The following FAM50B variants were observed in gnomAD, a reference collection of about 807,000 sequenced individuals.
The protein encoded by FAM50B is family with sequence similarity 50 member B.
FAM50B carries 9 observed loss-of-function variants against 25.4 expected under a neutral mutation model. That is an observed-to-expected ratio of 0.35 (90% CI 0.21 to 0.62). The LOEUF (loss-of-function observed/expected upper bound fraction) is 0.62. Among genes scored for constraint, FAM50B ranks in the 20% least tolerant of loss-of-function variants. The pLI, the probability that FAM50B is intolerant of heterozygous loss-of-function variation, is 0.73. For missense variants in FAM50B, 372 were observed against 477.9 expected, an observed-to-expected ratio of 0.78 and a Z score of 2.07; for synonymous variants, 212 against 204.3, an observed-to-expected ratio of 1.04 and a Z score of -0.32.
chr6:3,832,230 A>C, the FAM50B span, among the ~76,000 whole-genome samples: 1 of 152,246 alleles, frequency 6.6e-6, no homozygotes, highest in Non-Finnish European at 1.5e-5. Flanking sequence ...AATGAAGAGA[A>C]ACTAGGAAGA....
chr6:3,837,838 A>G, the FAM50B span, among the ~76,000 whole-genome samples: 1 of 152,162 alleles, frequency 6.6e-6, no homozygotes, highest in Non-Finnish European at 1.5e-5. Context: ...ATGATAACCC[A>G]TTAATCCATT....
chr6:3,831,965 T>C, the FAM50B span: 1 of 152,110 alleles, frequency 6.6e-6, no homozygotes, highest in Non-Finnish European at 1.5e-5. Context: ...GTGAACAATA[T>C]TAGCAAAGGC....
the FAM50B span, among the ~76,000 whole-genome samples, chr6:3,840,080 C>T: frequency 2.0e-5 from 3 of 152,136 alleles, no homozygotes; most frequent in Admixed American, 2.0e-4. Context: ...GTAACCTCAG[C>T]CTCCCGGGTT....
At chr6:3,836,357 T>A in the FAM50B span, among the ~76,000 whole-genome samples, 1 of 152,202 alleles carries the variant, frequency 6.6e-6, no homozygotes, top group Non-Finnish European at 1.5e-5. Context: ...GCAAACCCTG[T>A]GAATATGGTA....
the FAM50B span, among the ~76,000 whole-genome samples, chr6:3,833,254 T>A: frequency 6.6e-6 from 1 of 152,214 alleles, no homozygotes; most frequent in Non-Finnish European, 1.5e-5. Flanking sequence ...TTTAGGATAC[T>A]GGTAAGAGCT....
At chr6:3,848,929 G>A (rs565486528), upstream of FAM50B, among the ~76,000 whole-genome samples, 1 of 152,224 alleles carries the variant, frequency 6.6e-6, no homozygotes, top group Admixed American at 6.5e-5. Context: ...GCAGTGGTGC[G>A]CAGGTAATGT....
the FAM50B span, among the ~76,000 whole-genome samples, chr6:3,841,590 A>T: frequency 1.3e-5 from 2 of 152,234 alleles, no homozygotes; most frequent in Non-Finnish European, 2.9e-5. Context: ...TTAACACCAT[A>T]AATGAGATAA....
the FAM50B span, among the ~76,000 whole-genome samples, chr6:3,838,914 G>A: frequency 6.7e-6 from 1 of 150,056 alleles, no homozygotes; most frequent in East Asian, 1.9e-4. Flanking sequence ...ATATGCAACA[G>A]CATGGATGAC....
chr6:3,844,473 G>T (rs914472817), upstream of FAM50B, among the ~76,000 whole-genome samples: 2 of 152,184 alleles, frequency 1.3e-5, no homozygotes, highest in African/African-American at 4.8e-5. Context: ...CACTTTGGGA[G>T]GCCGAGGAGG....
At chr6:3,837,910 C>T in the FAM50B span, among the ~76,000 whole-genome samples, 2 of 152,218 alleles carry the variant, frequency 1.3e-5, no homozygotes, top group East Asian at 3.8e-4. Flanking sequence ...CCAATCACTT[C>T]TCAAAGGTTC....
At chr6:3,848,526 G>T (rs1273308903), upstream of FAM50B, among the ~76,000 whole-genome samples, 3 of 152,216 alleles carry the variant, frequency 2.0e-5, no homozygotes, top group East Asian at 3.8e-4. Context: ...TCTTGGTAAG[G>T]TTATGCTCAC....
chr6:3,845,829 C>T (rs1762114174), upstream of FAM50B, among the ~76,000 whole-genome samples: 1 of 152,180 alleles, frequency 6.6e-6, no homozygotes, highest in African/African-American at 2.4e-5. Context: ...ATTCTTCTGC[C>T]TCAGCCTCCC....
At chr6:3,843,694 CAA>C in the FAM50B span, among the ~76,000 whole-genome samples, 17 of 152,256 alleles carry the variant, frequency 1.1e-4, no homozygotes, top group African/African-American at 4.1e-4. Flanking sequence ...GATTGCATGC[CAA>C]AATATTGGCT....
chr6:3,839,968 T>TTTG, the FAM50B span, among the ~76,000 whole-genome samples: 92 of 150,988 alleles, frequency 6.1e-4, no homozygotes, highest in African/African-American at 1.6e-3. Context: ...AAACCCTGTC[T>TTTG]TTGTTGTTGT....
the FAM50B span, among the ~76,000 whole-genome samples, chr6:3,842,451 A>G: frequency 6.6e-6 from 1 of 152,162 alleles, no homozygotes; most frequent in Non-Finnish European, 1.5e-5. Flanking sequence ...TTCCTGATAC[A>G]TTTAGTACAT....
chr6:3,847,568 T>C (rs1231522864), upstream of FAM50B, among the ~76,000 whole-genome samples: 2 of 152,274 alleles, frequency 1.3e-5, no homozygotes, highest in African/African-American at 2.4e-5. Flanking sequence ...TGGTTTGATC[T>C]TCTATCCAGA....
the FAM50B span, among the ~76,000 whole-genome samples, chr6:3,843,408 T>G: frequency 1.3e-5 from 2 of 152,232 alleles, no homozygotes; most frequent in African/African-American, 4.8e-5. Context: ...TAAAACCATG[T>G]TCCATTCTTT....
Position 3,850,222 on chromosome 6 carries a change from G to A in FAM50B, c.411G>A (p.Arg137=), listed in dbSNP as rs761289588. ...LDDQADAAEA[R]RAGNLGKNPD... is the part of the protein sequence containing the mutation. Reference sequence around the variant, plus strand: ...ACCAGGCCGACGCGGCCGAGGCCAGGCGCGCCGGAAACCTGGGCAAGAACC... The same window carrying A: ...ACCAGGCCGACGCGGCCGAGGCCAGACGCGCCGGAAACCTGGGCAAGAACC... Residue 137 remains arginine, a synonymous_variant, in exon 2 of 2, where the codon AGG becomes AGA. Coordinates refer to ENST00000648326, the MANE Select transcript of FAM50B (RefSeq NM_012135.3). 5.6e-6 allele frequency: 9 copies of A among 1,613,200 alleles called. No individual in the cohort carries two copies. In the South Asian group the frequency reaches 7.7e-5, roughly 14 times the overall value.
At chr6:3,839,273 A>G in the FAM50B span, among the ~76,000 whole-genome samples, 1 of 151,972 alleles carries the variant, frequency 6.6e-6, no homozygotes, top group Non-Finnish European at 1.5e-5. Flanking sequence ...TTTAACAACC[A>G]ACTTTCTCAG....
Sources: allele counts gnomAD v4.1 joint callset (sites outside exome capture counted in the v4.1 genomes callset), GRCh38; gene constraint gnomAD v4.1.1; transcripts MANE v1.5; gene names NCBI Gene and HGNC (gene_info 2026-07-23, HGNC 2026-07-21).